TMEM144: variants seen among roughly 807,000 people sequenced by gnomAD.
TMEM144 encodes transmembrane protein 144.
A neutral mutation model predicts 43.6 loss-of-function variants in TMEM144; 39 were observed. That is an observed-to-expected ratio of 0.90 (90% CI 0.69 to 1.17). TMEM144 has a LOEUF of 1.17. TMEM144 is among the 50% of genes most tolerant of loss of function. The pLI, the probability that TMEM144 is intolerant of heterozygous loss-of-function variation, is 0.00. For missense variants in TMEM144, 417 were observed against 411.9 expected (o/e 1.01, Z -0.11); for synonymous variants, 154 against 133.6 (o/e 1.15, Z -1.06).
At chr4:158,215,522 GA>G (rs1734179953) in intron 4 of TMEM144, among the ~76,000 whole-genome samples, 2 of 152,018 alleles carry the variant, frequency 1.3e-5, no homozygotes, top group Non-Finnish European at 2.9e-5. Flanking sequence ...TCCTCTTAAT[GA>G]TTTATTTTTA....
At position 158,240,349 on chromosome 4, in the gene TMEM144, G is replaced by T; in HGVS notation, c.733G>T (p.Val245Phe). ...HFSGIFLTST[V>F]YFLAYCIAMK... Reference sequence around the variant, plus strand: ...CAGTGGCATCTTTCTTACAAGTACTGTCTACTTTCTGGCCTACTGCATAGC... The same window carrying T: ...CAGTGGCATCTTTCTTACAAGTACTTTCTACTTTCTGGCCTACTGCATAGC... The change falls in exon 10 of 13, where the codon GTC becomes TTC. Residue 245 changes from valine to phenylalanine, a missense_variant. Val to Phe is a conservative substitution (Grantham distance 50). Transcript: ENST00000296529. 4 of 1,613,828 alleles carry T rather than the reference G, an allele frequency of 2.5e-6. No individual in the cohort carries two copies. The highest frequency in any genetic ancestry group is 3.4e-6 in the Non-Finnish European group (4 of 1,179,924).
intron 3 of TMEM144, among the ~76,000 whole-genome samples, chr4:158,214,878 A>G (rs74940456): frequency 6.6e-6 from 1 of 152,178 alleles, no homozygotes; most frequent in Non-Finnish European, 1.5e-5. Flanking sequence ...TGATTTGTCT[A>G]ATAGGAGGAA....
intron 2 of TMEM144, 147 bp from the exon 3 acceptor site, chr4:158,212,461 G>A (rs1362303234): frequency 7.8e-6 from 3 of 385,582 alleles, no homozygotes; most frequent in Non-Finnish European, 1.4e-5. Flanking sequence ...TTAACATGAA[G>A]TACAAACATT....
intron 7 of TMEM144, chr4:158,234,616 A>G (rs1324263260): frequency 6.6e-6 from 1 of 152,200 alleles, no homozygotes; most frequent in Non-Finnish European, 1.5e-5. Context: ...AATATGTTCC[A>G]AGACACCCAA....
chr4:158,244,239 TA>T (rs1735767337), intron 11 of TMEM144, 56 bp from the exon 12 acceptor site: 2 of 1,266,042 alleles, frequency 1.6e-6, no homozygotes, highest in Non-Finnish European at 2.2e-6. Context: ...TATATTTATA[TA>T]GAATCTAGTC....
Position 158,240,378 on chromosome 4 carries a change from G to T in TMEM144, c.762G>T (p.Met254Ile). Residue 254 changes from methionine to isoleucine, a missense_variant, in exon 10 of 13, where the codon ATG (methionine) becomes ATT (isoleucine). Physicochemically the swap from Met to Ile is conservative, Grantham distance 10. Coordinates refer to ENST00000296529, the MANE Select transcript of TMEM144 (RefSeq NM_018342.5). Reference protein sequence around the residue: ...TVYFLAYCIAMKNSPKLYPEA... With the variant: ...TVYFLAYCIAIKNSPKLYPEA... ...ACTTTCTGGCCTACTGCATAGCCAT[G>T]AAAAATAGTCCTAAACTATATCCTG... The T allele has an allele frequency of 6.2e-7, 1 of 1,613,672 alleles. No homozygotes were observed. Among genetic ancestry groups the T allele is most frequent in the Non-Finnish European group, 8.5e-7 (1 of 1,179,854 alleles).
intron 12 of TMEM144, among the ~76,000 whole-genome samples, chr4:158,247,077 C>A (rs1369983449): frequency 4.0e-5 from 6 of 151,644 alleles, no homozygotes; most frequent in Non-Finnish European, 8.8e-5. Flanking sequence ...ATACTATGAC[C>A]CAATAGGGTT....
chr4:158,215,085 T>C (rs1046909402), intron 3 of TMEM144, 106 bp from the exon 4 acceptor site: 1 of 1,394,646 alleles, frequency 7.2e-7, no homozygotes, highest in Non-Finnish European at 1.0e-6. Flanking sequence ...GCATATGGCA[T>C]TTAATAAATT....
intron 12 of TMEM144, among the ~76,000 whole-genome samples, chr4:158,252,807 CAA>C (rs57460951): frequency 1.0e-4 from 7 of 67,288 alleles, no homozygotes; most frequent in Admixed American, 1.6e-4. Context: ...GACTCCGTCT[CAA>C]AAAAAAAAAA....
At chr4:158,222,844 G>GA (rs1734573734) in intron 6 of TMEM144, among the ~76,000 whole-genome samples, 2 of 152,188 alleles carry the variant, frequency 1.3e-5, no homozygotes, top group African/African-American at 4.8e-5. Flanking sequence ...TGGAAAGCTT[G>GA]AAAATGTAAA....
At chr4:158,219,075 T>A (rs906331720) in intron 5 of TMEM144, among the ~76,000 whole-genome samples, 2 of 152,134 alleles carry the variant, frequency 1.3e-5, no homozygotes, top group African/African-American at 4.8e-5. Flanking sequence ...ATCATACCAC[T>A]GTACTCCAGC....
At chr4:158,229,795 G>T (rs1156807950) in intron 6 of TMEM144, among the ~76,000 whole-genome samples, 3 of 152,206 alleles carry the variant, frequency 2.0e-5, no homozygotes, top group African/African-American at 7.2e-5. Flanking sequence ...CAGACAGTGT[G>T]TTGGGCTTTA....
At chr4:158,244,437 C>T (rs776128405) in intron 12 of TMEM144, 88 bp downstream of exon 12, 41 of 1,054,090 alleles carry the variant, frequency 3.9e-5, no homozygotes, top group Non-Finnish European at 5.3e-5. Context: ...TTTGGGAGGC[C>T]GAGGCAGGTG....
At chr4:158,235,381 A>G in intron 7 of TMEM144, 57 bp from the exon 8 acceptor site, 1 of 1,556,514 alleles carries the variant, frequency 6.4e-7, no homozygotes, top group Admixed American at 1.7e-5. Context: ...TATTGTCACC[A>G]GTGTGATTAT....
chr4:158,236,855 C>G (rs747662100), intron 8 of TMEM144, among the ~76,000 whole-genome samples: 26 of 152,040 alleles, frequency 1.7e-4, no homozygotes, highest in Non-Finnish European at 2.2e-4. Context: ...TGAATCACCT[C>G]CCCCTACAAT....
intron 12 of TMEM144, among the ~76,000 whole-genome samples, chr4:158,249,200 C>G (rs528814880): frequency 6.6e-6 from 1 of 152,116 alleles, no homozygotes; most frequent in Non-Finnish European, 1.5e-5. Flanking sequence ...CCACCGTGCC[C>G]GGCCCTGATA....
chr4:158,217,432 C>G lies in TMEM144; in HGVS notation c.332+12C>G, dbSNP rs778321076. 6.4e-7 allele frequency: 1 copy of G among 1,562,512 alleles called. No homozygotes were observed. The highest frequency in any genetic ancestry group is 1.1e-5 in the South Asian group (1 of 89,576). ...TGGGCAAGCTCAAGGTAATTCAAGT[C>G]AAACTAGTTCAACTAAGATTTCCTG... is the stretch of plus-strand genomic sequence containing the variant. On this transcript the variant is annotated intron_variant, in intron 5 of 12. Coordinates refer to ENST00000296529, the MANE Select transcript of TMEM144 (RefSeq NM_018342.5).
In TMEM144 at chr4:158,215,195, G is replaced by T. The variant is rs772590691; in HGVS notation, c.114G>T (p.Met38Ile). 2.5e-6 allele frequency: 4 copies of T among 1,613,646 alleles called. No homozygotes were observed. In the South Asian group the frequency reaches 3.3e-5, roughly 13 times the overall value. Residue 38 changes from methionine (M) to isoleucine (I), a missense_variant, in exon 4 of 13, where the codon ATG becomes ATT. Physicochemically the swap from Met to Ile is conservative, Grantham distance 10. Coordinates refer to ENST00000296529, the MANE Select transcript of TMEM144 (RefSeq NM_018342.5). ...PLKKFDTGDG[M>I]FLQWVLCAAI... ...ACTGAGTTTGTTTATTTCTAGGAAT[G>T]TTTCTCCAGTGGGTTCTTTGTGCTG...
chr4:158,247,853 C>T (rs1735970086), intron 12 of TMEM144, among the ~76,000 whole-genome samples: 1 of 150,304 alleles, frequency 6.7e-6, no homozygotes, highest in South Asian at 2.1e-4. Flanking sequence ...TGTAAAATCC[C>T]AGTGAAGCTC....
Sources: allele counts gnomAD v4.1 joint callset (sites outside exome capture counted in the v4.1 genomes callset), GRCh38; gene constraint gnomAD v4.1.1; transcripts MANE v1.5; gene names NCBI Gene and HGNC (gene_info 2026-07-23, HGNC 2026-07-21).